Variants in MFN1 observed in about 807,000 individuals in gnomAD.
MFN1 encodes the protein mitofusin 1.
A neutral mutation model predicts 92.4 loss-of-function variants in MFN1; 65 were observed. The observed-to-expected ratio is 0.70, with a 90% CI of 0.58 to 0.86. MFN1 has a LOEUF of 0.86. MFN1 is among the 40% of genes least tolerant of loss of function. The pLI, the probability that MFN1 is intolerant of heterozygous loss-of-function variation, is 0.00. For missense variants in MFN1, 781 were observed against 868.0 expected, an observed-to-expected ratio of 0.90 and a Z score of 1.26; for synonymous variants, 297 against 300.9, an observed-to-expected ratio of 0.99 and a Z score of 0.13.
chr3:179,364,702 A>T (rs1712716893), intron 6 of MFN1, among the ~76,000 whole-genome samples: 1 of 152,194 alleles, frequency 6.6e-6, no homozygotes, highest in Non-Finnish European at 1.5e-5. Context: ...AAGTCTCTTG[A>T]ATAAAGTATA....
At chr3:179,381,741 T>C (rs1024627808) in intron 14 of MFN1, among the ~76,000 whole-genome samples, 1 of 152,252 alleles carries the variant, frequency 6.6e-6, no homozygotes, top group African/African-American at 2.4e-5. Context: ...TATTTAAATA[T>C]TGGATAAAAT....
intron 4 of MFN1, among the ~76,000 whole-genome samples, chr3:179,361,181 T>C (rs1390045228): frequency 6.6e-6 from 1 of 152,224 alleles, no homozygotes; most frequent in African/African-American, 2.4e-5. Context: ...TGTTTTGTGA[T>C]TAAGATTTTT....
In MFN1 at chr3:179,377,323, CCA is replaced by C; in HGVS notation, c.1225-20_1225-19del. The C allele has an allele frequency of 1.9e-6, 3 of 1,564,584 alleles. No homozygotes were observed. The highest frequency in any genetic ancestry group is 4.5e-5 in the East Asian group (2 of 44,414). On this transcript the variant is annotated intron_variant, in intron 11 of 17. Coordinates refer to ENST00000471841, the MANE Select transcript of MFN1 (RefSeq NM_033540.3). Reference sequence around the variant, plus strand: ...ATAATCTTGTTTAATTATTTTAACTCCAAAATTTTCATATTTTCAGGTTTCAT... The same window carrying C: ...ATAATCTTGTTTAATTATTTTAACTCAAATTTTCATATTTTCAGGTTTCAT...
rs1712735524 is a variant in MFN1, at chr3:179,365,147, G to A, written c.675G>A (p.Glu225=). Residue 225 remains glutamate, a synonymous_variant, in exon 7 of 18, where the codon GAG becomes GAA. Transcript: ENST00000471841. ...TEKHFFHKVN[E]RLSKPNIFIL... ...AACACTTTTTTCACAAGGTGAATGAGCGGCTTTCCAAGCCTAATATTTTCA... is the reference window on the plus strand; with the variant it reads ...AACACTTTTTTCACAAGGTGAATGAACGGCTTTCCAAGCCTAATATTTTCA... 6.4e-7 allele frequency: 1 copy of A among 1,550,856 alleles called. No homozygotes were observed. Among genetic ancestry groups the A allele is most frequent in the Non-Finnish European group, 8.6e-7 (1 of 1,156,840 alleles).
Position 179,362,391 on chromosome 3 carries a change from G to C in MFN1, c.445G>C (p.Asp149His). ...TCAACTGGCCCATGCCCTTCACATGGACAAAGATTTGAAAGCTGGCTGTCT... is the reference window on the plus strand; with the variant it reads ...TCAACTGGCCCATGCCCTTCACATGCACAAAGATTTGAAAGCTGGCTGTCT... Reference protein sequence around the residue: ...VNQLAHALHMDKDLKAGCLVR... With the variant: ...VNQLAHALHMHKDLKAGCLVR... Residue 149 changes from aspartate (D) to histidine (H), a missense_variant, in exon 5 of 18, where the codon GAC (aspartate) becomes CAC (histidine). Physicochemically the swap from Asp to His is moderately conservative, Grantham distance 81. Transcript: ENST00000471841. The C allele has an allele frequency of 2.5e-6, 4 of 1,613,014 alleles. No individual in the cohort carries two copies. The South Asian group carries it at 4.4e-5, about 18-fold the overall frequency.
intron 2 of MFN1, among the ~76,000 whole-genome samples, chr3:179,350,304 G>A (rs1408236908): frequency 6.6e-6 from 1 of 151,768 alleles, no homozygotes; most frequent in Non-Finnish European, 1.5e-5. Context: ...CATATTTTGA[G>A]CTCCTTTAGG....
chr3:179,381,615 A>T (rs770335185), intron 14 of MFN1, among the ~76,000 whole-genome samples: 3 of 152,250 alleles, frequency 2.0e-5, no homozygotes, highest in Non-Finnish European at 4.4e-5. Context: ...TGTAAATTCA[A>T]TCAAGAATGA....
At chr3:179,372,593 A>G (rs1317424527) in intron 9 of MFN1, among the ~76,000 whole-genome samples, 1 of 152,134 alleles carries the variant, frequency 6.6e-6, no homozygotes, top group Non-Finnish European at 1.5e-5. Context: ...CAGTGGGAAC[A>G]CCAATGTGGG....
intron 2 of MFN1, among the ~76,000 whole-genome samples, chr3:179,351,179 T>TA (rs979408292): frequency 8.5e-4 from 130 of 152,186 alleles, no homozygotes; most frequent in African/African-American, 3.1e-3. Context: ...TCCTGAGTTA[T>TA]AAAAAAAACT....
At position 179,365,113 on chromosome 3, in the gene MFN1, T is replaced by C; in HGVS notation, c.646-5T>C. On this transcript the variant is annotated splice_polypyrimidine_tract_variant and splice_region_variant and intron_variant, in intron 6 of 17. Transcript: ENST00000471841. Reference sequence around the variant, plus strand: ...ATGTACTGTGGGGTTTTTTTTGTTTTTCAGGAAAAACACTTTTTTCACAAG... The same window carrying C: ...ATGTACTGTGGGGTTTTTTTTGTTTCTCAGGAAAAACACTTTTTTCACAAG... 1 of 1,518,296 alleles carries C rather than the reference T, an allele frequency of 6.6e-7. No homozygotes were observed. Among genetic ancestry groups the C allele is most frequent in the Non-Finnish European group, 8.8e-7 (1 of 1,139,246 alleles). 94.1% of individuals were successfully genotyped at this position (1,518,296 alleles called of 1,614,324 possible).
At chr3:179,370,935 T>C (rs560341330) in intron 9 of MFN1, among the ~76,000 whole-genome samples, 2 of 152,380 alleles carry the variant, frequency 1.3e-5, no homozygotes, top group East Asian at 3.9e-4. Context: ...TTATCCAATT[T>C]TTGGTTACTA....
Position 179,350,706 on chromosome 3 carries a change from C to T in MFN1, c.113-1194C>T, listed in dbSNP as rs1486038688. Among the ~76,000 whole-genome samples the T allele has an allele frequency of 2.6e-5, 4 of 152,208 alleles. No individual in the cohort carries two copies. The South Asian group carries it at 6.2e-4, about 24-fold the overall frequency. On this transcript the variant is annotated intron_variant, in intron 2 of 17. Transcript: ENST00000471841. ...GTAATGATACTTAAACCAGTCTGTCCGTTATTCACCAAATTGCACATATTT... is the reference window on the plus strand; with the variant it reads ...GTAATGATACTTAAACCAGTCTGTCTGTTATTCACCAAATTGCACATATTT...
At chr3:179,348,682 TCTAA>T (rs763472672) in intron 1 of MFN1, 159 bp from the exon 2 acceptor site, 22 of 1,043,868 alleles carry the variant, frequency 2.1e-5, no homozygotes, top group African/African-American at 1.6e-4. Context: ...AAAAGTCGTC[TCTAA>T]CTGTCTGACT....
At position 179,364,375 on chromosome 3, in the gene MFN1, C is replaced by T. The variant is rs1026406505; in HGVS notation, c.615C>T (p.Val205=). 2.5e-6 allele frequency: 4 copies of T among 1,613,138 alleles called. No homozygotes were observed. The highest frequency in any genetic ancestry group is 3.4e-6 in the Non-Finnish European group (4 of 1,179,292). The part of the protein sequence containing the change: ...FCLDADVFVL[V]ANSESTLMNT... ...TAGATGCTGATGTCTTTGTTTTGGT[C>T]GCAAACTCTGAATCAACACTAATGA... The change falls in exon 6 of 18, where the codon GTC becomes GTT. Residue 205 remains valine (V), a synonymous_variant. Transcript: ENST00000471841.
chr3:179,383,018 T>C (rs1713533610), intron 14 of MFN1, among the ~76,000 whole-genome samples: 1 of 152,358 alleles, frequency 6.6e-6, no homozygotes, highest in South Asian at 2.1e-4. Context: ...TTCTGTAGGT[T>C]GCCTGTTCAC....
chr3:179,355,725 G>T (rs1207329608), intron 3 of MFN1, among the ~76,000 whole-genome samples: 2 of 152,014 alleles, frequency 1.3e-5, no homozygotes, highest in East Asian at 1.9e-4. Context: ...GCCGAGGCAG[G>T]TGGATCACCT....
chr3:179,374,720 A>C (rs1198570118), intron 9 of MFN1, among the ~76,000 whole-genome samples: 1 of 152,152 alleles, frequency 6.6e-6, no homozygotes, highest in Non-Finnish European at 1.5e-5. Flanking sequence ...AATTCTTCAC[A>C]TTTTAACTCA....
chr3:179,389,380 G>A (rs573453856), intron 16 of MFN1, among the ~76,000 whole-genome samples: 3 of 152,164 alleles, frequency 2.0e-5, no homozygotes, highest in East Asian at 3.9e-4. Flanking sequence ...ATAAAAACTC[G>A]ACTTGATCCT....
intron 14 of MFN1, among the ~76,000 whole-genome samples, chr3:179,384,514 A>G (rs9848166): frequency 0.037 from 5,593 of 152,278 alleles, 339 homozygotes; most frequent in African/African-American, 0.13. Context: ...ATAGAGTTGC[A>G]GGATTTCTTT....
Sources: gnomAD v4.1 joint callset for allele counts (sites outside exome capture counted in the v4.1 genomes callset) on GRCh38, gnomAD v4.1.1 for gene constraint, MANE v1.5 for transcripts, NCBI Gene and HGNC (gene_info 2026-07-23, HGNC 2026-07-21) for gene names.